The following GSE1 variants were observed in gnomAD, a reference collection of about 807,000 sequenced individuals.
GSE1 encodes the protein Gse1 coiled-coil protein, also known as genetic suppressor element 1.
A neutral mutation model predicts 112.6 loss-of-function variants in GSE1; 32 were observed. That is an observed-to-expected ratio of 0.28 (90% confidence interval 0.21 to 0.38). The LOEUF is 0.38. Ranked by LOEUF, GSE1 falls within the 10% of genes least tolerant of loss-of-function variation. The pLI is 1.00. For synonymous variants in GSE1, 1,115 were observed against 735.6 expected, an observed-to-expected ratio of 1.52 and a Z score of -8.35; for missense variants, 2,348 against 1,699.2, an observed-to-expected ratio of 1.38 and a Z score of -6.71.
chr16:85,287,280 C>G (rs868575179), intron 1 of GSE1, among the ~76,000 whole-genome samples: 1 of 152,224 alleles, frequency 6.6e-6, no homozygotes, highest in African/African-American at 2.4e-5. Flanking sequence ...GCCTTTCGGG[C>G]TGACGCATGG....
Position 85,657,480 on chromosome 16 carries a change from CAGG to C in GSE1, c.1519_1521del (p.Glu507del), listed in dbSNP as rs780312247. 33 of 1,607,712 alleles carry C rather than the reference CAGG, an allele frequency of 2.1e-5. No individual in the cohort carries two copies. The highest frequency in any genetic ancestry group is 2.7e-5 in the Non-Finnish European group (32 of 1,177,796). ...GCTGGCGCGGCAGCGGCGGCTGCGG[CAGG>C]AGAAGGAGGACCGGCAGTCTCAGGT... On this transcript the variant is annotated inframe_deletion, in exon 8 of 16. Coordinates refer to ENST00000253458, the MANE Select transcript of GSE1 (RefSeq NM_014615.5).
intron 1 of GSE1, among the ~76,000 whole-genome samples, chr16:85,601,660 C>T (rs1207746656): frequency 6.6e-6 from 1 of 152,242 alleles, no homozygotes; most frequent in Non-Finnish European, 1.5e-5. Context: ...CTTTGTCCAT[C>T]TAACCTTTCC....
intron 2 of GSE1, chr16:85,490,933 A>G (rs1223223278): frequency 1.3e-5 from 2 of 152,200 alleles, no homozygotes; most frequent in African/African-American, 2.4e-5. Flanking sequence ...AATGCCGGCC[A>G]AGTCTGCTGG....
chr16:85,245,675 G>T (rs563113214), intron 1 of GSE1, among the ~76,000 whole-genome samples: 42 of 152,286 alleles, frequency 2.8e-4, no homozygotes, highest in African/African-American at 1.0e-3. Context: ...CCAGTTAATT[G>T]TATGAACCGG....
At position 85,488,445 on chromosome 16, in the gene GSE1, G is replaced by A. The variant is rs1403339556; in HGVS notation, c.2464+130802G>A. Among the ~76,000 whole-genome samples, 3 of 152,108 alleles carry A rather than the reference G, an allele frequency of 2.0e-5. No homozygotes were observed. The East Asian group carries it at 5.8e-4, about 29-fold the overall frequency. On this transcript the variant is annotated intron_variant, in intron 2 of 2. Coordinates refer to the GSE1 transcript ENST00000637419. ...TACAGCCTACGGGGCTCTCTGCATG[G>A]CTAAGCTCTAGAAACGCAGGGTCTT...
At chr16:85,245,343 C>T (rs549593724) in intron 1 of GSE1, among the ~76,000 whole-genome samples, 5 of 152,196 alleles carry the variant, frequency 3.3e-5, no homozygotes, top group South Asian at 2.1e-4. Context: ...ATCACCCTCC[C>T]GAGACTTTCT....
At chr16:85,545,387 A>T (rs2044661135) in intron 2 of GSE1, among the ~76,000 whole-genome samples, 1 of 152,202 alleles carries the variant, frequency 6.6e-6, no homozygotes, top group South Asian at 2.1e-4. Context: ...CTGCATGTAG[A>T]CTGCAGATGC....
chr16:85,308,390 C>G (rs929580996), intron 1 of GSE1, among the ~76,000 whole-genome samples: 3 of 152,182 alleles, frequency 2.0e-5, no homozygotes, highest in African/African-American at 7.2e-5. Flanking sequence ...TGGATCAAAA[C>G]AGAGAAGCTT....
At chr16:85,458,801 C>A (rs1212764117) in intron 2 of GSE1, among the ~76,000 whole-genome samples, 2 of 152,154 alleles carry the variant, frequency 1.3e-5, no homozygotes, top group African/African-American at 4.8e-5. Flanking sequence ...GTCCCCTGTG[C>A]TGCAGGAGGG....
chr16:85,209,545 T>C (rs910053532), intron 1 of GSE1, among the ~76,000 whole-genome samples: 20 of 152,052 alleles, frequency 1.3e-4, no homozygotes, highest in Admixed American at 8.5e-4. Flanking sequence ...TGCCCCACAT[T>C]AGGGAGAAAC....
At chr16:85,258,348 G>T (rs148597474) in intron 1 of GSE1, among the ~76,000 whole-genome samples, 1 of 152,200 alleles carries the variant, frequency 6.6e-6, no homozygotes, top group Non-Finnish European at 1.5e-5. Context: ...TCCTGGCTCC[G>T]CACCCCTGGG....
intron 2 of GSE1, among the ~76,000 whole-genome samples, chr16:85,536,509 A>G (rs755065847): frequency 3.3e-5 from 5 of 152,180 alleles, no homozygotes; most frequent in Non-Finnish European, 5.9e-5. Flanking sequence ...GGGCTCGTCT[A>G]GCACATGGGA....
At chr16:85,643,762 C>T (rs893696315) in intron 2 of GSE1, among the ~76,000 whole-genome samples, 2 of 152,110 alleles carry the variant, frequency 1.3e-5, no homozygotes. Flanking sequence ...GGCTCGGAAG[C>T]TCCTGCTCCC....
chr16:85,437,641 G>A lies in GSE1; in HGVS notation c.2464+79998G>A, dbSNP rs546049564. ...GATCTGGGCTGGAGCCTCAGCCTGC[G>A]CAGGAGCCGCCTGTCCTACCTGTCT... On this transcript the variant is annotated intron_variant, in intron 2 of 2. Coordinates refer to the GSE1 transcript ENST00000637419. Among the ~76,000 whole-genome samples the A allele has an allele frequency of 2.0e-4, 30 of 152,246 alleles. No individual in the cohort carries two copies. The South Asian group carries it at 2.1e-3, about 11-fold the overall frequency.
chr16:85,412,789 C>G lies in GSE1; in HGVS notation c.2464+55146C>G, dbSNP rs189679190. 4.6e-5 allele frequency among the ~76,000 whole-genome samples: 7 copies of G among 152,266 alleles called. 1 individual carries two copies. The highest frequency in any genetic ancestry group is 1.2e-4 in the African/African-American group (5 of 41,568). On this transcript the variant is annotated intron_variant, in intron 2 of 2. Coordinates refer to the GSE1 transcript ENST00000637419. ...CCTCTGATAATCCTCGCTGACCTCT[C>G]CAGTGCAACTGTTGATTTAATCACA... is the stretch of plus-strand genomic sequence containing the variant.
Position 85,492,019 on chromosome 16 carries a change from G to A in GSE1, c.2464+134376G>A, listed in dbSNP as rs112300644. On this transcript the variant is annotated intron_variant, in intron 2 of 2. Coordinates refer to the GSE1 transcript ENST00000637419. ...TTACCTGGGCACCACCACCACCACC[G>A]AGGTGCTGGGAAGCTGACCCCTGGA... Among the ~76,000 whole-genome samples the A allele has an allele frequency of 6.5e-3, 994 of 152,254 alleles. 12 individuals are homozygous for A. The highest frequency in any genetic ancestry group is 0.022 in the African/African-American group (912 of 41,554).
In GSE1 at chr16:85,572,416, C is replaced by T. The variant is rs370015150; in HGVS notation, c.37+16053C>T. ...ACACAAACACACCACACACACTACA[C>T]ACCACACACACACAGCACATACAAC... is the stretch of plus-strand genomic sequence containing the variant. On this transcript the variant is annotated intron_variant, in intron 1 of 2. Coordinates refer to the GSE1 transcript ENST00000635906. Among the ~76,000 whole-genome samples the T allele has an allele frequency of 6.5e-3, 975 of 149,208 alleles. 13 individuals carry two copies. Among genetic ancestry groups the T allele is most frequent in the African/African-American group, 0.022 (906 of 40,346 alleles).
intron 2 of GSE1, among the ~76,000 whole-genome samples, chr16:85,453,228 T>C (rs2049734636): frequency 2.6e-5 from 4 of 152,068 alleles, no homozygotes; most frequent in Non-Finnish European, 1.5e-5. Context: ...GAAAGCTGTT[T>C]TGGGGAGCTC....
At position 85,661,587 on chromosome 16, in the gene GSE1, A is replaced by C; in HGVS notation, c.2082A>C (p.Pro694=). The C allele has an allele frequency of 6.2e-7, 1 of 1,610,130 alleles. No individual in the cohort carries two copies. The highest frequency in any genetic ancestry group is 1.1e-5 in the South Asian group (1 of 90,658). The change falls in exon 9 of 16, where the codon CCA becomes CCC. Residue 694 remains proline, a synonymous_variant. Transcript: ENST00000253458. ...TILGQQRASL[P]QAATFGELSG... is the part of the protein sequence containing the mutation. ...TGGGCCAGCAGCGGGCCTCCCTCCCACAGGCGGCCACCTTCGGGGAGCTCA... is the reference window on the plus strand; with the variant it reads ...TGGGCCAGCAGCGGGCCTCCCTCCCCCAGGCGGCCACCTTCGGGGAGCTCA...
Sources: gnomAD v4.1 joint callset for allele counts (sites outside exome capture counted in the v4.1 genomes callset) on GRCh38, gnomAD v4.1.1 for gene constraint, MANE v1.5 for transcripts, NCBI Gene and HGNC (gene_info 2026-07-23, HGNC 2026-07-21) for gene names.